PHACTR4: variants seen among roughly 807,000 people sequenced by gnomAD.
PHACTR4 encodes the protein phosphatase and actin regulator 4, also known as protein phosphatase 1, regulatory subunit 124.
In PHACTR4, 51 loss-of-function variants were observed where a neutral mutation model predicts 72.7. The observed-to-expected ratio is 0.70, with a 90% confidence interval of 0.56 to 0.89. The LOEUF is 0.89. Among genes scored for constraint, PHACTR4 ranks in the 40% least tolerant of loss-of-function variants. The probability of loss-of-function intolerance (pLI) is 0.00; values close to 1 mark genes in which losing one functional copy is unlikely to be tolerated. For missense variants in PHACTR4, 731 were observed against 861.8 expected (o/e 0.85, Z 1.90); for synonymous variants, 255 against 302.5 (o/e 0.84, Z 1.63).
At chr1:28,475,247 G>A (rs1659849337) in intron 7 of PHACTR4, among the ~76,000 whole-genome samples, 1 of 151,878 alleles carries the variant, frequency 6.6e-6, no homozygotes, top group Non-Finnish European at 1.5e-5. Flanking sequence ...CACTGCGCCT[G>A]GCCAAATTTT....
intron 2 of PHACTR4, among the ~76,000 whole-genome samples, chr1:28,435,491 C>T (rs1485276757): frequency 6.6e-6 from 1 of 152,194 alleles, no homozygotes; most frequent in Admixed American, 6.5e-5. Flanking sequence ...TCTCAAACTC[C>T]TGACCTCAGG....
At chr1:28,486,624 T>C (rs1237386270) in intron 9 of PHACTR4, among the ~76,000 whole-genome samples, 1 of 152,086 alleles carries the variant, frequency 6.6e-6, no homozygotes, top group East Asian at 1.9e-4. Flanking sequence ...CCCAACACTT[T>C]GGGAGGCTGA....
intron 2 of PHACTR4, among the ~76,000 whole-genome samples, chr1:28,440,434 C>T (rs1656941378): frequency 2.3e-5 from 2 of 88,744 alleles, no homozygotes; most frequent in Admixed American, 1.6e-4. Flanking sequence ...CTTACTCTGT[C>T]GCCCAGGCTG....
chr1:28,449,910 CTTCAA>C (rs1011161765), intron 2 of PHACTR4, among the ~76,000 whole-genome samples: 1 of 151,340 alleles, frequency 6.6e-6, no homozygotes, highest in Non-Finnish European at 1.5e-5. Context: ...CACTTAAAAA[CTTCAA>C]TTAAATATTT....
intron 1 of PHACTR4, among the ~76,000 whole-genome samples, chr1:28,380,384 T>C (rs899717444): frequency 6.6e-6 from 1 of 152,126 alleles, no homozygotes; most frequent in African/African-American, 2.4e-5. Flanking sequence ...TTCAGAGATA[T>C]ATGTGCATGG....
chr1:28,374,833 A>G (rs909901386), intron 1 of PHACTR4, among the ~76,000 whole-genome samples: 1 of 152,208 alleles, frequency 6.6e-6, no homozygotes, highest in African/African-American at 2.4e-5. Context: ...TCCCTCATAT[A>G]ACTGCAACCT....
intron 8 of PHACTR4, among the ~76,000 whole-genome samples, chr1:28,479,386 C>G (rs941763970): frequency 6.8e-6 from 1 of 146,864 alleles, no homozygotes. Flanking sequence ...TGCCACTACA[C>G]TCCAGCCGGG....
At chr1:28,482,700 T>G (rs923057420) in intron 9 of PHACTR4, among the ~76,000 whole-genome samples, 9 of 151,962 alleles carry the variant, frequency 5.9e-5, no homozygotes, top group Non-Finnish European at 1.3e-4. Context: ...TTTGGGAGGC[T>G]CACTTGAGGT....
At chr1:28,371,927 C>T (rs1651276444) in intron 1 of PHACTR4, among the ~76,000 whole-genome samples, 2 of 151,838 alleles carry the variant, frequency 1.3e-5, no homozygotes. Context: ...CTCTGTTGCT[C>T]AGGCTGTGCA....
chr1:28,424,318 T>A (rs185080895), intron 2 of PHACTR4, among the ~76,000 whole-genome samples: 1 of 150,686 alleles, frequency 6.6e-6, no homozygotes, highest in African/African-American at 2.4e-5. Flanking sequence ...CAGCCTCCTG[T>A]GTAGCTGGAA....
Position 28,461,172 on chromosome 1 carries a change from G to A in PHACTR4, c.271+880G>A, listed in dbSNP as rs534467932. Among the ~76,000 whole-genome samples, 5 of 152,126 alleles carry A rather than the reference G, an allele frequency of 3.3e-5. No individual in the cohort carries two copies. In the East Asian group the frequency reaches 9.7e-4, roughly 30 times the overall value. On this transcript the variant is annotated intron_variant, in intron 4 of 13. Coordinates refer to ENST00000373839, the MANE Select transcript of PHACTR4 (RefSeq NM_001048183.3). Reference sequence around the variant, plus strand: ...TATTGTATACTGGCCAGGCATGGTGGCTCACGCCTGTAATCCCAGTATTTT... The same window carrying A: ...TATTGTATACTGGCCAGGCATGGTGACTCACGCCTGTAATCCCAGTATTTT...
At chr1:28,437,752 A>T (rs1018909031) in intron 2 of PHACTR4, among the ~76,000 whole-genome samples, 7 of 152,164 alleles carry the variant, frequency 4.6e-5, no homozygotes, top group African/African-American at 1.7e-4. Flanking sequence ...CTCCCAAAGA[A>T]CCCATTTCCT....
chr1:28,386,901 T>C (rs1443318039), intron 1 of PHACTR4, among the ~76,000 whole-genome samples: 2 of 152,184 alleles, frequency 1.3e-5, no homozygotes, highest in Non-Finnish European at 2.9e-5. Flanking sequence ...AGTATAGGGC[T>C]CATAGAGAAA....
intron 2 of PHACTR4, among the ~76,000 whole-genome samples, chr1:28,425,738 A>G (rs1655797245): frequency 6.6e-6 from 1 of 152,236 alleles, no homozygotes; most frequent in African/African-American, 2.4e-5. Context: ...CACTCACTTA[A>G]AGTGAATATT....
intron 2 of PHACTR4, among the ~76,000 whole-genome samples, chr1:28,447,707 G>C (rs1252273554): frequency 2.6e-5 from 4 of 152,030 alleles, no homozygotes; most frequent in African/African-American, 4.8e-5. Flanking sequence ...AGTTGCCAGT[G>C]GTAAAGCAAC....
At position 28,473,674 on chromosome 1, in the gene PHACTR4, C is replaced by T. The variant is rs368708965; in HGVS notation, c.944C>T (p.Thr315Ile). 8 of 1,613,966 alleles carry T rather than the reference C, an allele frequency of 5.0e-6. No individual in the cohort carries two copies. Among genetic ancestry groups the T allele is most frequent in the South Asian group, 2.2e-5 (2 of 91,088 alleles). Residue 315 changes from threonine (T) to isoleucine (I), a missense_variant, in exon 7 of 14, where the codon ACC becomes ATC. Thr to Ile is a moderately conservative substitution (Grantham distance 89). Coordinates refer to ENST00000373839, the MANE Select transcript of PHACTR4 (RefSeq NM_001048183.3). ...ACCTTGGAGTCTGCTGCTGCCATCACCACAAAAACACCAAGTGATGAAAGA... is the reference window on the plus strand; with the variant it reads ...ACCTTGGAGTCTGCTGCTGCCATCATCACAAAAACACCAAGTGATGAAAGA... ...VPTLESAAAI[T>I]TKTPSDEREK...
chr1:28,494,524 T>G (rs893767250), intron 13 of PHACTR4, among the ~76,000 whole-genome samples: 4 of 152,084 alleles, frequency 2.6e-5, no homozygotes, highest in Non-Finnish European at 1.5e-5. Context: ...CATGGTGGCA[T>G]GCCTGTAGTC....
intron 1 of PHACTR4, among the ~76,000 whole-genome samples, chr1:28,385,680 G>A (rs1248806782): frequency 2.1e-5 from 3 of 144,604 alleles, no homozygotes; most frequent in African/African-American, 5.1e-5. Flanking sequence ...GCGGTGGTGC[G>A]ATTCCAACTC....
At position 28,450,439 on chromosome 1, in the gene PHACTR4, A is replaced by G. The variant is rs570986758; in HGVS notation, c.17-8646A>G. Among the ~76,000 whole-genome samples, 3 of 152,336 alleles carry G rather than the reference A, an allele frequency of 2.0e-5. No homozygotes were observed. The East Asian group carries it at 5.8e-4, about 29-fold the overall frequency. On this transcript the variant is annotated intron_variant, in intron 2 of 13. Coordinates refer to ENST00000373839, the MANE Select transcript of PHACTR4 (RefSeq NM_001048183.3). Reference sequence around the variant, plus strand: ...AATTGGAAATTAGAGGGAGCATTTTATAAAATCAGATGCTGAGAACAAAGA... The same window carrying G: ...AATTGGAAATTAGAGGGAGCATTTTGTAAAATCAGATGCTGAGAACAAAGA...
Sources: allele counts gnomAD v4.1 joint callset (sites outside exome capture counted in the v4.1 genomes callset), GRCh38; gene constraint gnomAD v4.1.1; transcripts MANE v1.5; gene names NCBI Gene and HGNC (gene_info 2026-07-23, HGNC 2026-07-21).